Variants in LINGO2 observed in about 807,000 individuals in gnomAD.
The protein encoded by LINGO2 is leucine rich repeat and Ig domain containing 2.
A neutral mutation model predicts 30.6 loss-of-function variants in LINGO2; 14 were observed. The ratio of observed to expected loss-of-function variants is 0.46; its 90% CI spans 0.30 to 0.72. LINGO2 has a LOEUF of 0.72. LINGO2 is among the 30% of genes least tolerant of loss of function. The pLI, the probability that LINGO2 is intolerant of heterozygous loss-of-function variation, is 0.07. For synonymous variants in LINGO2, 317 were observed against 288.5 expected (o/e 1.10, Z -1.00); for missense variants, 729 against 751.7 (o/e 0.97, Z 0.35).
intron 1 of LINGO2, among the ~76,000 whole-genome samples, chr9:28,553,518 C>T (rs1822435789): frequency 6.6e-6 from 1 of 152,076 alleles, no homozygotes; most frequent in Non-Finnish European, 1.5e-5. Flanking sequence ...AAATCTACGT[C>T]TGATTGGTGT....
At chr9:28,473,718 T>C (rs1280354980) in intron 2 of LINGO2, among the ~76,000 whole-genome samples, 1 of 152,144 alleles carries the variant, frequency 6.6e-6, no homozygotes, top group Non-Finnish European at 1.5e-5. Flanking sequence ...AGGGTCTCTC[T>C]ACATTACTTA....
intron 4 of LINGO2, among the ~76,000 whole-genome samples, chr9:28,038,968 C>A (rs1052067841): frequency 6.6e-6 from 1 of 152,182 alleles, no homozygotes; most frequent in Non-Finnish European, 1.5e-5. Context: ...ATTTCCTTCT[C>A]TAGGTCTACA....
chr9:28,924,387 A>AT, the LINGO2 span, among the ~76,000 whole-genome samples: 4 of 151,898 alleles, frequency 2.6e-5, no homozygotes, highest in East Asian at 7.7e-4. Context: ...TGCCCAGCTA[A>AT]TTTTTGTATT....
intron 1 of LINGO2, among the ~76,000 whole-genome samples, chr9:28,573,517 A>T (rs1823807300): frequency 6.6e-6 from 1 of 152,140 alleles, no homozygotes; most frequent in Admixed American, 6.6e-5. Flanking sequence ...ATTTTACAGG[A>T]ATCTGTCAAC....
intron 2 of LINGO2, among the ~76,000 whole-genome samples, chr9:28,450,897 A>T (rs1824623716): frequency 1.3e-5 from 2 of 152,016 alleles, no homozygotes; most frequent in South Asian, 4.1e-4. Flanking sequence ...AGTTGTATTT[A>T]AATGGCCCAC....
At chr9:28,674,705 G>GAT (rs1452699760), upstream of LINGO2, among the ~76,000 whole-genome samples, 1 of 152,054 alleles carries the variant, frequency 6.6e-6, no homozygotes, top group Non-Finnish European at 1.5e-5. Flanking sequence ...TATGATTATT[G>GAT]ATACTTTATA....
intron 1 of LINGO2, among the ~76,000 whole-genome samples, chr9:28,644,595 AG>A (rs202059958): frequency 1.0e-4 from 15 of 148,230 alleles, no homozygotes; most frequent in Admixed American, 4.0e-4. Context: ...AAAAAAAAAA[AG>A]AAAGAATTAA....
At chr9:28,205,366 A>T (rs1820374171) in intron 4 of LINGO2, among the ~76,000 whole-genome samples, 1 of 152,100 alleles carries the variant, frequency 6.6e-6, no homozygotes, top group Non-Finnish European at 1.5e-5. Context: ...CCATCCTCAG[A>T]TCTTAACTCA....
rs77210865 is a variant in LINGO2, at chr9:28,345,456, T to C, written c.-246+27380A>G. 3.2e-4 allele frequency among the ~76,000 whole-genome samples: 49 copies of C among 152,246 alleles called. No individual in the cohort carries two copies. The East Asian group carries it at 8.9e-3, about 28-fold the overall frequency. On this transcript the variant is annotated intron_variant, in intron 3 of 5. Coordinates refer to ENST00000379992, the Ensembl canonical transcript of LINGO2. ...TAGAACGCCAGAATGACCTCTCAAA[T>C]ATAGGGTAACCTATTGCAGCTTTAT...
intron 4 of LINGO2, among the ~76,000 whole-genome samples, chr9:28,063,287 G>A (rs900904631): frequency 6.6e-6 from 1 of 152,050 alleles, no homozygotes; most frequent in African/African-American, 2.4e-5. Context: ...ATACCTCACA[G>A]AGATTTTTCT....
the LINGO2 span, among the ~76,000 whole-genome samples, chr9:29,209,137 G>T: frequency 6.6e-6 from 1 of 152,102 alleles, no homozygotes; most frequent in Non-Finnish European, 1.5e-5. Flanking sequence ...TGTTCACAGA[G>T]TATTAATCAT....
the LINGO2 span, among the ~76,000 whole-genome samples, chr9:28,966,431 A>C: frequency 6.6e-6 from 1 of 152,118 alleles, no homozygotes; most frequent in Non-Finnish European, 1.5e-5. Context: ...CAACTTTGTC[A>C]GGTAGGCAGT....
At chr9:28,797,448 C>G in the LINGO2 span, among the ~76,000 whole-genome samples, 1 of 148,176 alleles carries the variant, frequency 6.7e-6, no homozygotes, top group Non-Finnish European at 1.5e-5. Flanking sequence ...AATGATGACA[C>G]TGATGACACT....
intron 4 of LINGO2, among the ~76,000 whole-genome samples, chr9:28,121,020 T>G (rs2133396725): frequency 6.6e-6 from 1 of 152,328 alleles, no homozygotes; most frequent in African/African-American, 2.4e-5. Context: ...CTGCTTCAAC[T>G]TGAGAATTTT....
chr9:28,402,024 G>GA (rs1822289718), intron 2 of LINGO2, among the ~76,000 whole-genome samples: 1 of 151,778 alleles, frequency 6.6e-6, no homozygotes, highest in South Asian at 2.1e-4. Flanking sequence ...TCTTTAGATT[G>GA]AAAAAAAGGA....
At chr9:28,719,639 T>C in the LINGO2 span, among the ~76,000 whole-genome samples, 1 of 152,146 alleles carries the variant, frequency 6.6e-6, no homozygotes, top group East Asian at 1.9e-4. Context: ...TTTTATGCTT[T>C]CCTCTTATTG....
chr9:27,943,705 T>G (rs1268087847), downstream of LINGO2: 1 of 151,902 alleles, frequency 6.6e-6, no homozygotes, highest in Non-Finnish European at 1.5e-5. Flanking sequence ...GAGAGAGCGT[T>G]CATTGATGAG....
the LINGO2 span, among the ~76,000 whole-genome samples, chr9:28,982,199 C>A: frequency 6.6e-6 from 1 of 152,016 alleles, no homozygotes; most frequent in African/African-American, 2.4e-5. Flanking sequence ...TGGGGATATA[C>A]ATATTAATAA....
intron 1 of LINGO2, among the ~76,000 whole-genome samples, chr9:28,626,345 G>A (rs1278508408): frequency 6.6e-6 from 1 of 151,844 alleles, no homozygotes; most frequent in African/African-American, 2.4e-5. Context: ...CCAATTTGGG[G>A]TTTGCATTTT....
Sources: allele counts gnomAD v4.1 joint callset (sites outside exome capture counted in the v4.1 genomes callset), GRCh38; gene constraint gnomAD v4.1.1; transcripts MANE v1.5; gene names NCBI Gene and HGNC (gene_info 2026-07-23, HGNC 2026-07-21).